ITPR2: variants seen among roughly 807,000 people sequenced by gnomAD.
The protein encoded by ITPR2 is inositol 1,4,5-trisphosphate-gated calcium channel ITPR2.
ITPR2 carries 207 observed loss-of-function variants against 317.1 expected under a neutral mutation model. The ratio of observed to expected loss-of-function variants is 0.65; its 90% CI spans 0.58 to 0.73. The LOEUF is 0.73. ITPR2 is among the 30% of genes least tolerant of loss of function. ITPR2 has a pLI of 0.00. For missense variants in ITPR2, 2,613 were observed against 3,284.0 expected (o/e 0.80, Z 4.99); for synonymous variants, 1,156 against 1,149.1 (o/e 1.01, Z -0.12).
chr12:26,385,945 T>A (rs1939653146), intron 55 of ITPR2, among the ~76,000 whole-genome samples: 1 of 152,104 alleles, frequency 6.6e-6, no homozygotes, highest in Admixed American at 6.5e-5. Context: ...CTTACTAAGC[T>A]CTATGTTCCT....
intron 45 of ITPR2, among the ~76,000 whole-genome samples, chr12:26,458,878 C>A (rs77016527): frequency 6.6e-6 from 1 of 152,120 alleles, no homozygotes; most frequent in Non-Finnish European, 1.5e-5. Flanking sequence ...GTGAGCTGAG[C>A]GTGAAGGCCT....
At chr12:26,681,133 T>C (rs1220288860) in intron 13 of ITPR2, among the ~76,000 whole-genome samples, 1 of 152,234 alleles carries the variant, frequency 6.6e-6, no homozygotes, top group Non-Finnish European at 1.5e-5. Context: ...GCAAAGCATA[T>C]GGACTTTAAA....
intron 40 of ITPR2, 81 bp downstream of exon 40, chr12:26,486,987 C>A: frequency 1.5e-6 from 2 of 1,333,396 alleles, no homozygotes; most frequent in Non-Finnish European, 2.2e-6. Flanking sequence ...AGAAGAGAGA[C>A]GAAAAATGTT....
chr12:26,477,711 T>C (rs959442281), intron 43 of ITPR2, among the ~76,000 whole-genome samples: 2 of 152,172 alleles, frequency 1.3e-5, no homozygotes, highest in Non-Finnish European at 2.9e-5. Context: ...CAACCATTTC[T>C]ACATACAGAT....
chr12:26,485,862 G>C (rs1942653212), intron 41 of ITPR2, among the ~76,000 whole-genome samples: 1 of 152,106 alleles, frequency 6.6e-6, no homozygotes, highest in Non-Finnish European at 1.5e-5. Context: ...AAATATTTGA[G>C]GCTAAAAATA....
At chr12:26,809,859 T>A (rs1180351943) in intron 1 of ITPR2, among the ~76,000 whole-genome samples, 1 of 152,218 alleles carries the variant, frequency 6.6e-6, no homozygotes, top group Non-Finnish European at 1.5e-5. Flanking sequence ...CACACTCCAA[T>A]ACAGATTTCA....
At chr12:26,416,760 A>G (rs917505479) in intron 50 of ITPR2, among the ~76,000 whole-genome samples, 16 of 152,216 alleles carry the variant, frequency 1.1e-4, no homozygotes, top group African/African-American at 3.9e-4. Flanking sequence ...TGCACATTCA[A>G]CTTCCAAATT....
intron 37 of ITPR2, among the ~76,000 whole-genome samples, chr12:26,498,150 A>G (rs773053943): frequency 1.3e-5 from 2 of 152,202 alleles, no homozygotes; most frequent in Non-Finnish European, 2.9e-5. Context: ...ATTGCTTCCT[A>G]TTTCATGTTT....
intron 2 of ITPR2, among the ~76,000 whole-genome samples, chr12:26,748,045 A>G (rs1170668543): frequency 6.6e-6 from 1 of 152,032 alleles, no homozygotes; most frequent in East Asian, 1.9e-4. Flanking sequence ...AGGCTTTCCT[A>G]AGAGCTTTTT....
chr12:26,696,052 T>TTTAC lies in ITPR2; in HGVS notation c.952-403_952-402insGTAA, dbSNP rs1948341054. On this transcript the variant is annotated intron_variant, in intron 9 of 56. Transcript: ENST00000381340. The stretch of plus-strand genomic sequence containing the variant: ...TGATTTGAGATCATGTTTTACATGT[T>TTTAC]ATGTACACAAGGAAAAGAAAAACAA... Among the ~76,000 whole-genome samples, 13 of 152,310 alleles carry TTTAC rather than the reference T, an allele frequency of 8.5e-5. 1 individual carries two copies. In the South Asian group the frequency reaches 2.5e-3, roughly 29 times the overall value.
At chr12:26,556,594 G>GTGTT (rs1455368283) in intron 35 of ITPR2, among the ~76,000 whole-genome samples, 14 of 149,606 alleles carry the variant, frequency 9.4e-5, no homozygotes, top group East Asian at 1.9e-4. Context: ...GTGTGTGTGT[G>GTGTT]TTTTTGTTTA....
At chr12:26,416,248 T>C (rs1380364559) in intron 50 of ITPR2, among the ~76,000 whole-genome samples, 1 of 152,184 alleles carries the variant, frequency 6.6e-6, no homozygotes, top group African/African-American at 2.4e-5. Flanking sequence ...AGCTATGTGT[T>C]TGCAATCTGT....
chr12:26,764,354 G>C (rs1949683844), intron 2 of ITPR2, among the ~76,000 whole-genome samples: 1 of 151,902 alleles, frequency 6.6e-6, no homozygotes. Flanking sequence ...ATGATAAGCT[G>C]GACTTCATGA....
In ITPR2 at chr12:26,450,781, C is replaced by T. The variant is rs114025026; in HGVS notation, c.6343-7131G>A. ...TCCAGAAGACACGTGAAGGGCTGTA[C>T]GCACTCTTTTCTCAAAGAGGAGATA... On this transcript the variant is annotated intron_variant, in intron 45 of 56. Coordinates refer to ENST00000381340, the MANE Select transcript of ITPR2 (RefSeq NM_002223.4). 5.8e-3 allele frequency among the ~76,000 whole-genome samples: 886 copies of T among 152,124 alleles called. 9 individuals are homozygous for T. The highest frequency in any genetic ancestry group is 0.019 in the African/African-American group (808 of 41,486).
At chr12:26,468,182 A>C in intron 45 of ITPR2, among the ~76,000 whole-genome samples, 1 of 151,984 alleles carries the variant, frequency 6.6e-6, no homozygotes, top group East Asian at 1.9e-4. Flanking sequence ...CTCAGTTTGG[A>C]TCTTAAGGGT....
At chr12:26,593,901 C>G (rs1945771733) in intron 32 of ITPR2, among the ~76,000 whole-genome samples, 2 of 152,188 alleles carry the variant, frequency 1.3e-5, no homozygotes, top group Admixed American at 1.3e-4. Context: ...ATAGCTCATG[C>G]TGCCTACAAT....
intron 37 of ITPR2, among the ~76,000 whole-genome samples, chr12:26,509,229 G>C (rs2136910214): frequency 6.6e-6 from 1 of 152,322 alleles, no homozygotes; most frequent in East Asian, 1.9e-4. Flanking sequence ...AGATAGCCAA[G>C]GGCTGGGGCT....
At chr12:26,730,691 T>TTTTA (rs1444577098) in intron 2 of ITPR2, among the ~76,000 whole-genome samples, 1 of 152,178 alleles carries the variant, frequency 6.6e-6, no homozygotes, top group African/African-American at 2.4e-5. Flanking sequence ...GAATTACAAC[T>TTTTA]TTTATTTATT....
intron 55 of ITPR2, among the ~76,000 whole-genome samples, chr12:26,385,214 G>A (rs986084114): frequency 6.6e-6 from 1 of 152,170 alleles, no homozygotes; most frequent in African/African-American, 2.4e-5. Context: ...CAAGGCTCAA[G>A]CTGTTGCCCC....
Sources: allele counts gnomAD v4.1 joint callset (sites outside exome capture counted in the v4.1 genomes callset), GRCh38; gene constraint gnomAD v4.1.1; transcripts MANE v1.5; gene names NCBI Gene and HGNC (gene_info 2026-07-23, HGNC 2026-07-21).